HPSE2: variants seen among roughly 807,000 people sequenced by gnomAD.
HPSE2 encodes the protein inactive heparanase-2.
Under a neutral mutation model 60.5 loss-of-function variants are expected in HPSE2, and 38 were observed. The observed-to-expected ratio is 0.63, with a 90% CI of 0.48 to 0.82. The LOEUF (loss-of-function observed/expected upper bound fraction) is 0.82, where lower values mean the gene tolerates loss of function less well. Among genes scored for constraint, HPSE2 ranks in the 40% least tolerant of loss-of-function variants. The probability of loss-of-function intolerance (pLI) is 0.00; values close to 1 mark genes in which losing one functional copy is unlikely to be tolerated. For synonymous variants in HPSE2, 295 were observed against 293.2 expected, an observed-to-expected ratio of 1.01 and a Z score of -0.06; for missense variants, 713 against 740.4, an observed-to-expected ratio of 0.96 and a Z score of 0.43.
chr10:98,541,774 C>G (rs1416035968), intron 9 of HPSE2, among the ~76,000 whole-genome samples: 2 of 147,126 alleles, frequency 1.4e-5, no homozygotes, highest in East Asian at 4.0e-4. Flanking sequence ...GGAGGGGCAC[C>G]CGCCATTGCC....
At chr10:98,738,673 A>G (rs1485927533) in intron 4 of HPSE2, among the ~76,000 whole-genome samples, 1 of 152,250 alleles carries the variant, frequency 6.6e-6, no homozygotes, top group Non-Finnish European at 1.5e-5. Context: ...ATATGAACAG[A>G]CACTTTTCAA....
At chr10:99,205,205 T>C (rs1848705248) in intron 2 of HPSE2, among the ~76,000 whole-genome samples, 1 of 152,162 alleles carries the variant, frequency 6.6e-6, no homozygotes, top group Non-Finnish European at 1.5e-5. Context: ...AACATGCCCA[T>C]GTAACAAAGA....
the HPSE2 span, among the ~76,000 whole-genome samples, chr10:99,297,301 T>C: frequency 6.6e-6 from 1 of 152,160 alleles, no homozygotes; most frequent in Admixed American, 6.5e-5. Flanking sequence ...ACCAAGCCCA[T>C]GCAAGTTGAG....
chr10:99,182,849 A>T (rs1358368780), intron 2 of HPSE2, among the ~76,000 whole-genome samples: 1 of 151,966 alleles, frequency 6.6e-6, no homozygotes, highest in African/African-American at 2.4e-5. Context: ...ACAAAACATT[A>T]GCCAGGTGTG....
chr10:98,631,466 C>T (rs1392086767), intron 7 of HPSE2, among the ~76,000 whole-genome samples: 1 of 152,168 alleles, frequency 6.6e-6, no homozygotes, highest in Admixed American at 6.5e-5. Context: ...CTTTCCCAGT[C>T]CTTTTCTGTG....
chr10:99,084,475 C>G (rs1017672540), intron 3 of HPSE2, among the ~76,000 whole-genome samples: 7 of 152,084 alleles, frequency 4.6e-5, no homozygotes, highest in Non-Finnish European at 2.9e-5. Flanking sequence ...GAGGAAAGAT[C>G]CAAATGTTCT....
chr10:98,599,073 C>T (rs1221016155), intron 9 of HPSE2, among the ~76,000 whole-genome samples: 2 of 152,094 alleles, frequency 1.3e-5, no homozygotes, highest in African/African-American at 4.8e-5. Flanking sequence ...GCACTGGGAT[C>T]TACTGAGAAT....
At chr10:98,726,308 A>G (rs1397737347) in intron 4 of HPSE2, among the ~76,000 whole-genome samples, 1 of 152,136 alleles carries the variant, frequency 6.6e-6, no homozygotes, top group Non-Finnish European at 1.5e-5. Flanking sequence ...TGCAGCCATA[A>G]AAAATGATGA....
intron 9 of HPSE2, among the ~76,000 whole-genome samples, chr10:98,609,848 T>C (rs1372645187): frequency 6.8e-6 from 1 of 147,436 alleles, no homozygotes; most frequent in African/African-American, 2.5e-5. Flanking sequence ...TCTTTTTTTT[T>C]TTTTTTTTTT....
chr10:99,188,740 A>C (rs900292298), intron 2 of HPSE2, among the ~76,000 whole-genome samples: 1 of 152,216 alleles, frequency 6.6e-6, no homozygotes, highest in Non-Finnish European at 1.5e-5. Flanking sequence ...AATGTGAGAC[A>C]GAAAAAGAGC....
At chr10:98,824,884 C>A (rs780219718) in intron 3 of HPSE2, among the ~76,000 whole-genome samples, 1 of 152,132 alleles carries the variant, frequency 6.6e-6, no homozygotes, top group Non-Finnish European at 1.5e-5. Context: ...TGCTTATTTC[C>A]CCATCTTCCT....
At chr10:98,471,524 A>G (rs1940779464) in intron 11 of HPSE2, among the ~76,000 whole-genome samples, 1 of 152,212 alleles carries the variant, frequency 6.6e-6, no homozygotes, top group Non-Finnish European at 1.5e-5. Flanking sequence ...TTTGAGTGCC[A>G]TGTCAGGAGG....
intron 3 of HPSE2, among the ~76,000 whole-genome samples, chr10:99,089,413 C>G (rs2135593984): frequency 6.6e-6 from 1 of 152,264 alleles, no homozygotes; most frequent in East Asian, 1.9e-4. Context: ...ATCACAGCAC[C>G]ATTTGTTGAA....
chr10:98,647,414 T>C lies in HPSE2; in HGVS notation c.1005-5474A>G, dbSNP rs145908210. On this transcript the variant is annotated intron_variant, in intron 6 of 11. Coordinates refer to ENST00000370552, the MANE Select transcript of HPSE2 (RefSeq NM_021828.5). Reference sequence around the variant, plus strand: ...CTTCTTTTATTTCAGGTAATTGCATTAGTGCGGGCTTCCCAGTGCTCAGGA... The same window carrying C: ...CTTCTTTTATTTCAGGTAATTGCATCAGTGCGGGCTTCCCAGTGCTCAGGA... Among the ~76,000 whole-genome samples the C allele has an allele frequency of 2.5e-3, 377 of 152,318 alleles. 3 individuals carry two copies. The highest frequency in any genetic ancestry group is 8.6e-3 in the African/African-American group (357 of 41,570).
chr10:98,525,918 C>T (rs914264507), intron 9 of HPSE2, among the ~76,000 whole-genome samples: 73 of 152,138 alleles, frequency 4.8e-4, no homozygotes, highest in African/African-American at 1.6e-3. Context: ...GTAACAGCAC[C>T]GATCCTGTAT....
intron 3 of HPSE2, among the ~76,000 whole-genome samples, chr10:98,995,188 T>C (rs941878304): frequency 6.6e-6 from 1 of 152,226 alleles, no homozygotes; most frequent in African/African-American, 2.4e-5. Context: ...ATATATCTGC[T>C]GACTATTCTG....
chr10:98,526,166 G>A (rs568183515), intron 9 of HPSE2, among the ~76,000 whole-genome samples: 1 of 152,344 alleles, frequency 6.6e-6, no homozygotes, highest in Non-Finnish European at 1.5e-5. Flanking sequence ...TGAAGGACCT[G>A]GGTGTGGGCG....
the HPSE2 span, among the ~76,000 whole-genome samples, chr10:99,279,915 G>A: frequency 6.6e-6 from 1 of 152,124 alleles, no homozygotes; most frequent in Non-Finnish European, 1.5e-5. Context: ...ATTCACACTG[G>A]CACATATTTT....
At chr10:98,664,968 A>C (rs1947324961) in intron 6 of HPSE2, among the ~76,000 whole-genome samples, 1 of 152,228 alleles carries the variant, frequency 6.6e-6, no homozygotes, top group Non-Finnish European at 1.5e-5. Context: ...GACTGAAATG[A>C]CAGACACAGA....
Sources: allele counts gnomAD v4.1 joint callset (sites outside exome capture counted in the v4.1 genomes callset), GRCh38; gene constraint gnomAD v4.1.1; transcripts MANE v1.5; gene names NCBI Gene and HGNC (gene_info 2026-07-23, HGNC 2026-07-21).